The following DCDC1 variants were observed in gnomAD, a reference collection of about 807,000 sequenced individuals.
DCDC1 encodes doublecortin domain-containing protein 1.
Under a neutral mutation model 178.3 loss-of-function variants are expected in DCDC1, and 200 were observed. The observed-to-expected ratio is 1.12, with a 90% confidence interval of 1.00 to 1.26. The LOEUF is 1.26. DCDC1 is among the 50% of genes most tolerant of loss of function. DCDC1 has a pLI of 0.00. For missense variants in DCDC1, 1,983 were observed against 1,749.2 expected, an observed-to-expected ratio of 1.13 and a Z score of -2.38; for synonymous variants, 690 against 604.8, an observed-to-expected ratio of 1.14 and a Z score of -2.07.
chr11:30,925,999 C>T lies in DCDC1; in HGVS notation c.2898-591G>A, dbSNP rs181001545. On this transcript the variant is annotated intron_variant, in intron 22 of 38. Transcript: ENST00000684477. ...ACAACCCCCTGCCTTCCCAAACAAG[C>T]ACCGGACAAGCCCTGTGGATATTGA... 1.6e-3 allele frequency among the ~76,000 whole-genome samples: 245 copies of T among 152,222 alleles called. 1 individual carries two copies. The highest frequency in any genetic ancestry group is 5.0e-3 in the Admixed American group (76 of 15,288).
intron 9 of DCDC1, among the ~76,000 whole-genome samples, chr11:31,179,298 C>T (rs1591322102): frequency 6.6e-6 from 1 of 152,140 alleles, no homozygotes; most frequent in Non-Finnish European, 1.5e-5. Context: ...CATAGAACTA[C>T]CATATGATCC....
intron 8 of DCDC1, chr11:31,262,996 G>A: frequency 6.3e-7 from 1 of 1,587,714 alleles, no homozygotes. Context: ...GCACACTTCT[G>A]GGATACGTGA....
chr11:30,912,914 T>C (rs1945546174), intron 27 of DCDC1, among the ~76,000 whole-genome samples: 1 of 152,226 alleles, frequency 6.6e-6, no homozygotes. Context: ...CATTAAGTTC[T>C]ACTACATAGT....
At chr11:31,060,899 G>T (rs1007682220) in intron 20 of DCDC1, among the ~76,000 whole-genome samples, 1 of 151,970 alleles carries the variant, frequency 6.6e-6, no homozygotes, top group Non-Finnish European at 1.5e-5. Flanking sequence ...CATTTTAATT[G>T]AAAAAAAGTC....
intron 20 of DCDC1, among the ~76,000 whole-genome samples, chr11:31,058,378 T>C (rs1955719980): frequency 6.6e-6 from 1 of 152,160 alleles, no homozygotes; most frequent in Admixed American, 6.6e-5. Flanking sequence ...GAGGTACAAA[T>C]GTAAAGAAAA....
intron 6 of DCDC1, among the ~76,000 whole-genome samples, chr11:31,295,112 G>C (rs1223174386): frequency 1.3e-5 from 2 of 152,096 alleles, no homozygotes; most frequent in African/African-American, 2.4e-5. Context: ...AAATGTAGTA[G>C]TATTTGTATA....
At chr11:31,114,405 G>A (rs1315651630) in intron 11 of DCDC1, among the ~76,000 whole-genome samples, 1 of 151,364 alleles carries the variant, frequency 6.6e-6, no homozygotes, top group Non-Finnish European at 1.5e-5. Context: ...GTGTAGGTTA[G>A]AAGGTGGTGC....
chr11:31,117,388 A>AG (rs1960121440), intron 11 of DCDC1, among the ~76,000 whole-genome samples: 1 of 151,968 alleles, frequency 6.6e-6, no homozygotes, highest in Non-Finnish European at 1.5e-5. Context: ...AGGAAAAAAA[A>AG]AAAAATTCTA....
intron 9 of DCDC1, among the ~76,000 whole-genome samples, chr11:31,143,066 T>C (rs1343800747): frequency 1.3e-5 from 2 of 152,034 alleles, no homozygotes; most frequent in African/African-American, 2.4e-5. Context: ...TAAAGTGCAA[T>C]ATGGTTAAGG....
intron 20 of DCDC1, among the ~76,000 whole-genome samples, chr11:31,025,940 C>G (rs1050318999): frequency 6.6e-6 from 1 of 151,766 alleles, no homozygotes; most frequent in Non-Finnish European, 1.5e-5. Flanking sequence ...AAATCAATGA[C>G]TTCAGGAAGA....
chr11:31,287,437 T>C (rs940756491), intron 7 of DCDC1, among the ~76,000 whole-genome samples: 6 of 151,974 alleles, frequency 3.9e-5, no homozygotes, highest in African/African-American at 1.4e-4. Flanking sequence ...GTCAGAAATA[T>C]ATACAGTTTA....
At chr11:31,095,238 C>A (rs552664706) in intron 15 of DCDC1, among the ~76,000 whole-genome samples, 8 of 152,088 alleles carry the variant, frequency 5.3e-5, no homozygotes, top group Non-Finnish European at 1.2e-4. Context: ...AACAGTGTCA[C>A]AATAAACATA....
At chr11:31,341,502 C>A (rs1287407740) in intron 1 of DCDC1, among the ~76,000 whole-genome samples, 1 of 151,998 alleles carries the variant, frequency 6.6e-6, no homozygotes, top group Admixed American at 6.6e-5. Flanking sequence ...TTTCACTGGG[C>A]AAATATCATA....
chr11:30,944,311 C>G (rs780263078), intron 21 of DCDC1: 1 of 456,688 alleles, frequency 2.2e-6, no homozygotes, highest in Non-Finnish European at 4.4e-6. Context: ...GGAACCAAGT[C>G]TATCTCCTTC....
intron 3 of DCDC1, among the ~76,000 whole-genome samples, chr11:31,325,849 G>C (rs1949616204): frequency 6.6e-6 from 1 of 152,060 alleles, no homozygotes; most frequent in Non-Finnish European, 1.5e-5. Context: ...CAAGATGGTA[G>C]AAGAAAGGTG....
intron 9 of DCDC1, among the ~76,000 whole-genome samples, chr11:31,190,580 C>G (rs158143): frequency 6.6e-6 from 1 of 151,804 alleles, no homozygotes; most frequent in Non-Finnish European, 1.5e-5. Context: ...ATACTTAACA[C>G]AAATCCTCAT....
intron 9 of DCDC1, among the ~76,000 whole-genome samples, chr11:31,233,043 G>A (rs558312862): frequency 6.6e-6 from 1 of 151,090 alleles, no homozygotes; most frequent in Non-Finnish European, 1.5e-5. Context: ...AGCCAAGTTC[G>A]TGCCACTGCA....
chr11:30,902,895 TAGTCTAA>T (rs1166515317), intron 32 of DCDC1, among the ~76,000 whole-genome samples: 1 of 152,152 alleles, frequency 6.6e-6, no homozygotes, highest in Non-Finnish European at 1.5e-5. Context: ...AAATTGCAAA[TAGTCTAA>T]TAAGACACAC....
At chr11:30,916,144 C>T (rs1945819486) in intron 26 of DCDC1, among the ~76,000 whole-genome samples, 1 of 152,156 alleles carries the variant, frequency 6.6e-6, no homozygotes, top group Admixed American at 6.5e-5. Flanking sequence ...GGAAACAGAA[C>T]ACCATTCTCC....
Sources: gnomAD v4.1 joint callset for allele counts (sites outside exome capture counted in the v4.1 genomes callset) on GRCh38, gnomAD v4.1.1 for gene constraint, MANE v1.5 for transcripts, NCBI Gene and HGNC (gene_info 2026-07-23, HGNC 2026-07-21) for gene names.